ADCY1: variants seen among roughly 807,000 people sequenced by gnomAD.
ADCY1 encodes the protein adenylate cyclase type 1.
Under a neutral mutation model 105.4 loss-of-function variants are expected in ADCY1, and 28 were observed. The ratio of observed to expected loss-of-function variants is 0.27; its 90% CI spans 0.20 to 0.36. The LOEUF is 0.36. Ranked by LOEUF, ADCY1 falls within the 10% of genes least tolerant of loss-of-function variation. The probability of loss-of-function intolerance (pLI) is 1.00; values close to 1 mark genes in which losing one functional copy is unlikely to be tolerated. For synonymous variants in ADCY1, 655 were observed against 623.8 expected, an observed-to-expected ratio of 1.05 and a Z score of -0.75; for missense variants, 977 against 1,434.2, an observed-to-expected ratio of 0.68 and a Z score of 5.15.
intron 7 of ADCY1, among the ~76,000 whole-genome samples, chr7:45,660,446 C>T (rs1046524844): frequency 3.3e-5 from 5 of 152,216 alleles, no homozygotes; most frequent in African/African-American, 1.2e-4. Context: ...GTCCTCCTTC[C>T]CCTTCCTGGG....
rs553651683 is a variant in ADCY1 at position 45,690,387 on chromosome 7, C to T, written c.2454+3714C>T. Among the ~76,000 whole-genome samples, 16 of 152,232 alleles carry T rather than the reference C, an allele frequency of 1.1e-4. No individual in the cohort carries two copies. The South Asian group carries it at 1.2e-3, about 12-fold the overall frequency. On this transcript the variant is annotated intron_variant, in intron 14 of 19. Coordinates refer to ENST00000297323, the MANE Select transcript of ADCY1 (RefSeq NM_021116.4). ...TGGGGCAGCCACAGTGGGAATGGGC[C>T]CTAGAACCAGGGAACAGAGAGGGCT...
chr7:45,608,261 G>T (rs1793435458), intron 2 of ADCY1, among the ~76,000 whole-genome samples: 1 of 152,200 alleles, frequency 6.6e-6, no homozygotes, highest in African/African-American at 2.4e-5. Flanking sequence ...AGAAGTGACT[G>T]TTCATGTCCT....
intron 12 of ADCY1, 91 bp from the exon 13 acceptor site, chr7:45,685,871 G>GACCTGCTTGAAGAGGGAC: frequency 6.7e-7 from 1 of 1,482,698 alleles, no homozygotes; most frequent in Non-Finnish European, 9.0e-7. Flanking sequence ...AACCTTGGGA[G>GACCTGCTTGAAGAGGGAC]ACCTGCTTGA....
At chr7:45,589,392 TG>T (rs768157858) in intron 1 of ADCY1, among the ~76,000 whole-genome samples, 22 of 152,164 alleles carry the variant, frequency 1.4e-4, no homozygotes, top group Non-Finnish European at 2.9e-4. Context: ...GGAGGCCGCC[TG>T]TCCCCCAGGC....
Position 45,664,503 on chromosome 7 carries a change from A to G in ADCY1, c.1605+2289A>G, listed in dbSNP as rs760035239. 6.0e-4 allele frequency: 839 copies of G among 1,402,224 alleles called. 3 individuals carry two copies. The highest frequency in any genetic ancestry group is 7.4e-4 in the Non-Finnish European group (797 of 1,075,538). 86.9% of individuals were successfully genotyped at this position (1,402,224 alleles called of 1,614,324 possible). A position where few individuals can be genotyped will look rare whatever the true frequency, so the allele number is the denominator to read the frequency against. ...TCAGCACTCTCTCCTGATCGTAAAC[A>G]TAATTGATTATGGAAAATATGGAGA... On this transcript the variant is annotated intron_variant, in intron 8 of 19. Transcript: ENST00000297323.
At chr7:45,599,702 C>T (rs989935991) in intron 2 of ADCY1, among the ~76,000 whole-genome samples, 8 of 151,788 alleles carry the variant, frequency 5.3e-5, no homozygotes, top group Non-Finnish European at 1.2e-4. Flanking sequence ...TCTCAACTCA[C>T]TGCAACCTCC....
rs1279252129 is a variant in ADCY1, at chr7:45,622,535, TC to T, written c.909-96del. On this transcript the variant is annotated intron_variant, in intron 3 of 19. Coordinates refer to ENST00000297323, the MANE Select transcript of ADCY1 (RefSeq NM_021116.4). ...TTGAGGAATAAATGGGGTGATTGAT[TC>T]TACAGTGATTTGGAGATGTAAACAT... 3 of 860,228 alleles carry T rather than the reference TC, an allele frequency of 3.5e-6. No homozygotes were observed. The African/African-American group carries it at 5.0e-5, about 14-fold the overall frequency. The allele number at this position is 860,228 out of a possible 1,614,324, so 53.3% of individuals were successfully genotyped here. A position where few individuals can be genotyped will look rare whatever the true frequency, so the allele number is the denominator to read the frequency against.
intron 2 of ADCY1, among the ~76,000 whole-genome samples, chr7:45,608,566 C>T (rs188278608): frequency 5.3e-5 from 8 of 152,340 alleles, no homozygotes; most frequent in Non-Finnish European, 1.0e-4. Flanking sequence ...GAGTTGTCCA[C>T]GTGAGCTCCA....
intron 7 of ADCY1, 54 bp from the exon 8 acceptor site, chr7:45,662,005 G>A (rs1795119245): frequency 1.9e-6 from 3 of 1,572,754 alleles, no homozygotes; most frequent in African/African-American, 1.3e-5. Flanking sequence ...AGTCCGAGAG[G>A]CACAATGTGT....
intron 1 of ADCY1, among the ~76,000 whole-genome samples, chr7:45,581,850 C>T (rs1792555687): frequency 6.6e-6 from 1 of 152,150 alleles, no homozygotes; most frequent in Non-Finnish European, 1.5e-5. Flanking sequence ...CATAAACACA[C>T]ACACATACAT....
intron 8 of ADCY1, among the ~76,000 whole-genome samples, chr7:45,673,293 G>A (rs972855528): frequency 1.3e-5 from 2 of 152,088 alleles, no homozygotes; most frequent in Non-Finnish European, 2.9e-5. Flanking sequence ...TACTGACTTT[G>A]TAAAGTGACT....
Position 45,593,023 on chromosome 7 carries a change from T to G in ADCY1, c.789+115T>G, listed in dbSNP as rs17567824. 0.066 allele frequency: 89,679 copies of G among 1,366,070 alleles called. 3,156 individuals carry two copies. Among genetic ancestry groups the G allele is most frequent in the African/African-American group, 0.083 (5,725 of 69,276 alleles). The allele number at this position is 1,366,070 out of a possible 1,614,324, so 84.6% of individuals were successfully genotyped here. ...GTGGTGACATGGGCCACAATTCCCA[T>G]TGGTACATGTTGGTATTTGAGGCTG... On this transcript the variant is annotated intron_variant, in intron 2 of 19. Coordinates refer to ENST00000297323, the MANE Select transcript of ADCY1 (RefSeq NM_021116.4).
intron 8 of ADCY1, among the ~76,000 whole-genome samples, chr7:45,673,510 T>G (rs1409476501): frequency 6.6e-6 from 1 of 152,194 alleles, no homozygotes. Flanking sequence ...GTGGTAGTTG[T>G]GTTTCAAAGA....
intron 1 of ADCY1, among the ~76,000 whole-genome samples, chr7:45,581,056 A>C (rs1164732307): frequency 6.6e-6 from 1 of 152,132 alleles, no homozygotes; most frequent in Non-Finnish European, 1.5e-5. Flanking sequence ...GCTGGTGGGC[A>C]TGTGAGGTGG....
intron 4 of ADCY1, among the ~76,000 whole-genome samples, chr7:45,631,215 T>C (rs1327198946): frequency 2.6e-5 from 4 of 152,216 alleles, no homozygotes; most frequent in Non-Finnish European, 4.4e-5. Flanking sequence ...CATAAAGATA[T>C]GATAAACTCA....
intron 8 of ADCY1, among the ~76,000 whole-genome samples, chr7:45,676,837 ATT>A (rs58708149): frequency 0.054 from 7,015 of 131,096 alleles, 195 homozygotes; most frequent in African/African-American, 0.088. Context: ...GGGGCCACAG[ATT>A]TTTTTTTTTT....
intron 11 of ADCY1, among the ~76,000 whole-genome samples, chr7:45,682,033 A>G (rs1318682342): frequency 6.6e-6 from 1 of 152,062 alleles, no homozygotes; most frequent in Non-Finnish European, 1.5e-5. Context: ...CTTGGGCTCC[A>G]GTTGTCTGGG....
intron 6 of ADCY1, among the ~76,000 whole-genome samples, chr7:45,659,382 G>T (rs60202974): frequency 0.1 from 15,616 of 152,270 alleles, 1,510 homozygotes; most frequent in East Asian, 0.4. Context: ...TTGGAAGGTG[G>T]GGAGTTTGCT....
At chr7:45,587,802 T>TTGTGTCAGG (rs1199068542) in intron 1 of ADCY1, among the ~76,000 whole-genome samples, 1 of 152,160 alleles carries the variant, frequency 6.6e-6, no homozygotes, top group East Asian at 1.9e-4. Context: ...TCAGAGGACA[T>TTGTGTCAGG]GCCCTCACTG....
Sources: gnomAD v4.1 joint callset for allele counts (sites outside exome capture counted in the v4.1 genomes callset) on GRCh38, gnomAD v4.1.1 for gene constraint, MANE v1.5 for transcripts, NCBI Gene and HGNC (gene_info 2026-07-23, HGNC 2026-07-21) for gene names.